Variants in KCNK13 observed in about 807,000 individuals in gnomAD.
The protein encoded by KCNK13 is potassium channel subfamily K member 13.
In KCNK13, 12 loss-of-function variants were observed where a neutral mutation model predicts 23.4. The observed-to-expected ratio is 0.51, with a 90% CI of 0.33 to 0.83. The LOEUF (loss-of-function observed/expected upper bound fraction) is 0.83. Among genes scored for constraint, KCNK13 ranks in the 40% least tolerant of loss-of-function variants. The pLI is 0.02. For missense variants in KCNK13, 463 were observed against 556.3 expected (o/e 0.83, Z 1.69); for synonymous variants, 231 against 229.5 (o/e 1.01, Z -0.06).
At chr14:90,169,387 C>A (rs1890339745) in intron 1 of KCNK13, among the ~76,000 whole-genome samples, 1 of 152,170 alleles carries the variant, frequency 6.6e-6, no homozygotes, top group Non-Finnish European at 1.5e-5. Flanking sequence ...GTTTGAAACT[C>A]CTGGAGGGCA....
At chr14:90,166,853 C>T (rs1190325817) in intron 1 of KCNK13, among the ~76,000 whole-genome samples, 1 of 152,094 alleles carries the variant, frequency 6.6e-6, no homozygotes, top group Non-Finnish European at 1.5e-5. Context: ...CTGATTGGTG[C>T]CCTGCACACA....
rs147217359 is a variant in KCNK13 at position 90,168,869 on chromosome 14, G to A, written c.335-15242G>A. On this transcript the variant is annotated intron_variant, in intron 1 of 1. Coordinates refer to ENST00000282146, the MANE Select transcript of KCNK13 (RefSeq NM_022054.4). ...CAGGTGGAGATAATTGAATCATGGA[G>A]GGGGCCATTTCCCCCATACTGTTCT... Among the ~76,000 whole-genome samples, 71 of 152,290 alleles carry A rather than the reference G, an allele frequency of 4.7e-4. No homozygotes were observed. The East Asian group carries it at 0.013, about 28-fold the overall frequency.
chr14:90,166,017 GTCTC>G (rs1890298439), intron 1 of KCNK13, among the ~76,000 whole-genome samples: 1 of 152,210 alleles, frequency 6.6e-6, no homozygotes, highest in Non-Finnish European at 1.5e-5. Context: ...GATTTAAAGA[GTCTC>G]TATTTATCAT....
At chr14:90,066,002 C>A (rs1013958880) in intron 1 of KCNK13, among the ~76,000 whole-genome samples, 1 of 152,208 alleles carries the variant, frequency 6.6e-6, no homozygotes, top group Non-Finnish European at 1.5e-5. Context: ...CTTGCCCTGT[C>A]ACCTAGGCTT....
intron 1 of KCNK13, among the ~76,000 whole-genome samples, chr14:90,162,597 T>C (rs746350567): frequency 2.0e-5 from 3 of 152,146 alleles, no homozygotes; most frequent in Non-Finnish European, 4.4e-5. Flanking sequence ...TTTAAAATAG[T>C]GATAAGAAAA....
At chr14:90,126,540 GTT>G in intron 1 of KCNK13, among the ~76,000 whole-genome samples, 1 of 151,872 alleles carries the variant, frequency 6.6e-6, no homozygotes, top group Non-Finnish European at 1.5e-5. Flanking sequence ...TCTTGTTGTT[GTT>G]GTTGTTGTTG....
At chr14:90,118,673 A>G (rs999601020) in intron 1 of KCNK13, among the ~76,000 whole-genome samples, 1 of 152,198 alleles carries the variant, frequency 6.6e-6, no homozygotes, top group Non-Finnish European at 1.5e-5. Context: ...AGGAACTGCC[A>G]TACCGTTTTC....
At chr14:90,132,543 CA>C (rs397853239) in intron 1 of KCNK13, among the ~76,000 whole-genome samples, 13,522 of 83,864 alleles carry the variant, frequency 0.16, 760 homozygotes, top group Admixed American at 0.35. Flanking sequence ...GACTCTGTCT[CA>C]AAAAAAAAAA....
At chr14:90,073,722 G>A (rs1291947627) in intron 1 of KCNK13, among the ~76,000 whole-genome samples, 1 of 152,198 alleles carries the variant, frequency 6.6e-6, no homozygotes, top group African/African-American at 2.4e-5. Flanking sequence ...CCAGGCTGGA[G>A]TGCAGTGGCA....
chr14:90,182,461 G>A (rs576142196), intron 1 of KCNK13, among the ~76,000 whole-genome samples: 1 of 152,286 alleles, frequency 6.6e-6, no homozygotes, highest in East Asian at 1.9e-4. Flanking sequence ...TATCAGGAGG[G>A]AGGATCATGA....
intron 1 of KCNK13, among the ~76,000 whole-genome samples, chr14:90,073,335 C>CTCT (rs1186613921): frequency 6.6e-6 from 1 of 152,166 alleles, no homozygotes; most frequent in Non-Finnish European, 1.5e-5. Context: ...CTTCTGCCTC[C>CTCT]CACCGGCAGT....
At chr14:90,167,118 A>C (rs889760671) in intron 1 of KCNK13, among the ~76,000 whole-genome samples, 1 of 152,194 alleles carries the variant, frequency 6.6e-6, no homozygotes, top group African/African-American at 2.4e-5. Flanking sequence ...CAAGGTTGGC[A>C]TGAGGATTAT....
intron 1 of KCNK13, among the ~76,000 whole-genome samples, chr14:90,113,028 C>T (rs10148654): frequency 0.26 from 39,635 of 151,534 alleles, 5,470 homozygotes; most frequent in East Asian, 0.38. Context: ...ATCCTTTCAC[C>T]CCAACCTCCT....
intron 1 of KCNK13, chr14:90,107,584 T>C: frequency 6.0e-6 from 3 of 500,236 alleles, no homozygotes; most frequent in Non-Finnish European, 1.1e-5. Flanking sequence ...AAAGAGTGTG[T>C]TTATTTGTAA....
intron 1 of KCNK13, among the ~76,000 whole-genome samples, chr14:90,134,702 TCCCA>T (rs1433597373): frequency 6.6e-6 from 1 of 152,196 alleles, no homozygotes; most frequent in African/African-American, 2.4e-5. Flanking sequence ...ATTCTTCATC[TCCCA>T]CTTTACTAAC....
chr14:90,094,786 C>T (rs1288283632), intron 1 of KCNK13, among the ~76,000 whole-genome samples: 5 of 151,644 alleles, frequency 3.3e-5, no homozygotes, highest in African/African-American at 1.2e-4. Flanking sequence ...TAGCTGGGAC[C>T]ACAGGCGCCC....
intron 1 of KCNK13, among the ~76,000 whole-genome samples, chr14:90,114,104 A>T (rs1024471222): frequency 2.0e-5 from 3 of 152,214 alleles, no homozygotes; most frequent in Admixed American, 1.3e-4. Flanking sequence ...TTTTCGTTGC[A>T]GCTCTTCCTT....
At chr14:90,161,343 T>C (rs1034290553) in intron 1 of KCNK13, among the ~76,000 whole-genome samples, 3 of 152,184 alleles carry the variant, frequency 2.0e-5, no homozygotes, top group South Asian at 2.1e-4. Flanking sequence ...GACTCTGGGA[T>C]AATGAAAAAG....
chr14:90,120,141 C>T lies in KCNK13; in HGVS notation c.334+57602C>T, dbSNP rs112856583. Among the ~76,000 whole-genome samples, 284 of 152,214 alleles carry T rather than the reference C, an allele frequency of 1.9e-3. 2 individuals carry two copies. Among genetic ancestry groups the T allele is most frequent in the African/African-American group, 6.6e-3 (272 of 41,522 alleles). Reference sequence around the variant, plus strand: ...TCCATGTGTTCTCATCATTTAGCTCCCACTTATAAGTGACAACATGCAGTA... The same window carrying T: ...TCCATGTGTTCTCATCATTTAGCTCTCACTTATAAGTGACAACATGCAGTA... On this transcript the variant is annotated intron_variant, in intron 1 of 1. Coordinates refer to ENST00000282146, the MANE Select transcript of KCNK13 (RefSeq NM_022054.4).
Sources: gnomAD v4.1 joint callset for allele counts (sites outside exome capture counted in the v4.1 genomes callset) on GRCh38, gnomAD v4.1.1 for gene constraint, MANE v1.5 for transcripts, NCBI Gene and HGNC (gene_info 2026-07-23, HGNC 2026-07-21) for gene names.